Variants in NEGR1 observed in about 807,000 individuals in gnomAD.
NEGR1 encodes the protein neuronal growth regulator 1.
NEGR1 carries 10 observed loss-of-function variants against 40.9 expected under a neutral mutation model. That is an observed-to-expected ratio of 0.24 (90% CI 0.15 to 0.42). NEGR1 has a LOEUF of 0.42. Among genes scored for constraint, NEGR1 ranks in the 10% least tolerant of loss-of-function variants. NEGR1 has a pLI of 1.00. For missense variants in NEGR1, 352 were observed against 438.9 expected, an observed-to-expected ratio of 0.80 and a Z score of 1.77; for synonymous variants, 185 against 166.8, an observed-to-expected ratio of 1.11 and a Z score of -0.84.
intron 2 of NEGR1, among the ~76,000 whole-genome samples, chr1:71,878,798 C>T (rs1660503224): frequency 1.3e-5 from 2 of 152,056 alleles, no homozygotes; most frequent in South Asian, 4.1e-4. Flanking sequence ...TAAAAAGAAA[C>T]ATAGAGCTAT....
intron 6 of NEGR1, among the ~76,000 whole-genome samples, chr1:71,454,977 G>C (rs979564223): frequency 6.6e-6 from 1 of 152,114 alleles, no homozygotes; most frequent in Admixed American, 6.6e-5. Context: ...GCTTGGCCAG[G>C]CAGATCCCAC....
At chr1:71,571,615 C>T (rs148025015) in intron 6 of NEGR1, among the ~76,000 whole-genome samples, 3,054 of 151,942 alleles carry the variant, frequency 0.02, 107 homozygotes, top group African/African-American at 0.07. Context: ...CATGGCGAAA[C>T]CACGTCTCTA....
chr1:72,195,946 C>T (rs1031077812), intron 1 of NEGR1, among the ~76,000 whole-genome samples: 3 of 152,012 alleles, frequency 2.0e-5, no homozygotes, highest in African/African-American at 7.2e-5. Context: ...GCATTTTCTG[C>T]ATTAACTAGG....
At chr1:71,438,444 A>T (rs1319583424) in intron 6 of NEGR1, among the ~76,000 whole-genome samples, 1 of 152,230 alleles carries the variant, frequency 6.6e-6, no homozygotes, top group Non-Finnish European at 1.5e-5. Context: ...TCTGCATAAT[A>T]ATAAGCTCTC....
At chr1:72,278,454 T>C (rs1656132634) in intron 1 of NEGR1, among the ~76,000 whole-genome samples, 1 of 152,140 alleles carries the variant, frequency 6.6e-6, no homozygotes, top group African/African-American at 2.4e-5. Context: ...TAGTATTGTT[T>C]CCAAGGGGTA....
chr1:71,546,775 A>G (rs762063048), intron 6 of NEGR1, among the ~76,000 whole-genome samples: 1 of 151,618 alleles, frequency 6.6e-6, no homozygotes, highest in Non-Finnish European at 1.5e-5. Context: ...GATTCTTATA[A>G]AGTATTGGGT....
At chr1:72,211,248 GAAC>G (rs1467542892) in intron 1 of NEGR1, among the ~76,000 whole-genome samples, 1 of 151,280 alleles carries the variant, frequency 6.6e-6, no homozygotes, top group Non-Finnish European at 1.5e-5. Context: ...TACCTTAAAT[GAAC>G]AACAACAACA....
At chr1:71,874,959 C>A (rs773715731) in intron 2 of NEGR1, among the ~76,000 whole-genome samples, 1 of 152,046 alleles carries the variant, frequency 6.6e-6, no homozygotes, top group East Asian at 1.9e-4. Context: ...ATCCTCCTCC[C>A]TCAGCCTCCT....
chr1:72,278,897 A>C (rs1387608143), intron 1 of NEGR1, among the ~76,000 whole-genome samples: 2 of 152,130 alleles, frequency 1.3e-5, no homozygotes, highest in African/African-American at 4.8e-5. Flanking sequence ...TTTAGACATC[A>C]TATATTTTTT....
chr1:71,884,845 T>G (rs1378330422), intron 2 of NEGR1, among the ~76,000 whole-genome samples: 1 of 152,212 alleles, frequency 6.6e-6, no homozygotes, highest in African/African-American at 2.4e-5. Flanking sequence ...AGGCTGTACT[T>G]GTTTTTGATC....
intron 1 of NEGR1, among the ~76,000 whole-genome samples, chr1:72,050,397 G>T (rs1026998): frequency 0.44 from 66,962 of 150,800 alleles, 15,255 homozygotes; most frequent in Admixed American, 0.5. Flanking sequence ...TTTAAACGAA[G>T]ATTTGAATAA....
At chr1:71,729,832 T>TG (rs1198838144) in intron 3 of NEGR1, among the ~76,000 whole-genome samples, 5 of 148,552 alleles carry the variant, frequency 3.4e-5, no homozygotes, top group South Asian at 4.3e-4. Context: ...TGTTTTGTTT[T>TG]GTTTTTTGGT....
chr1:71,811,858 A>ATTTATTTTATTAT (rs1658012879), intron 2 of NEGR1, among the ~76,000 whole-genome samples: 1 of 137,498 alleles, frequency 7.3e-6, no homozygotes, highest in Admixed American at 7.2e-5. Context: ...AGTTCTATTT[A>ATTTATTTTATTAT]TTTATTTTAT....
intron 1 of NEGR1, among the ~76,000 whole-genome samples, chr1:72,091,125 T>A (rs1648473133): frequency 6.6e-6 from 1 of 152,108 alleles, no homozygotes; most frequent in Admixed American, 6.5e-5. Context: ...CTCTAGACAT[T>A]TAGACTCATT....
chr1:72,183,352 C>T (rs779194124), intron 1 of NEGR1, among the ~76,000 whole-genome samples: 1 of 152,044 alleles, frequency 6.6e-6, no homozygotes, highest in African/African-American at 2.4e-5. Flanking sequence ...CTGATCTTTG[C>T]TCAAGAACTT....
At chr1:72,050,102 A>G (rs1484044873) in intron 1 of NEGR1, among the ~76,000 whole-genome samples, 8 of 151,522 alleles carry the variant, frequency 5.3e-5, no homozygotes, top group Admixed American at 2.0e-4. Context: ...TTCTAGATAA[A>G]GAAATCTTTA....
At chr1:72,127,719 A>T (rs1408750595) in intron 1 of NEGR1, among the ~76,000 whole-genome samples, 5 of 152,122 alleles carry the variant, frequency 3.3e-5, no homozygotes, top group African/African-American at 9.7e-5. Flanking sequence ...TACATCTTTG[A>T]TAAAAAGACT....
rs202142911 is a variant in NEGR1, at chr1:71,939,665, GA to G, written c.177-4355del. 3.0e-4 allele frequency among the ~76,000 whole-genome samples: 45 copies of G among 152,004 alleles called. 4 individuals carry two copies. The East Asian group carries it at 3.9e-3, about 13-fold the overall frequency. On this transcript the variant is annotated intron_variant, in intron 1 of 6. Coordinates refer to ENST00000357731, the MANE Select transcript of NEGR1 (RefSeq NM_173808.3). ...AACTAAGCTAAGAATTCAGTGATCA[GA>G]AAAAAAGGCAAGTCAGGGGCAGGGG...
At position 71,756,425 on chromosome 1, in the gene NEGR1, C is replaced by CA. The variant is rs1491453120; in HGVS notation, c.535+19746dup. On this transcript the variant is annotated intron_variant, in intron 3 of 6. Transcript: ENST00000357731. ...ACAAAAACAAACAAAAAAAAAAAACCAAAAAAAACCACATCAGGCCTCTAC... is the reference window on the plus strand; with the variant it reads ...ACAAAAACAAACAAAAAAAAAAAACCAAAAAAAAACCACATCAGGCCTCTAC... 8.9e-4 allele frequency among the ~76,000 whole-genome samples: 98 copies of CA among 110,442 alleles called. 1 individual carries two copies. The highest frequency in any genetic ancestry group is 2.7e-3 in the African/African-American group (81 of 30,152). The allele number at this position is 110,442 out of a possible 152,430, so 72.5% of individuals were successfully genotyped here.
Sources: allele counts gnomAD v4.1 joint callset (sites outside exome capture counted in the v4.1 genomes callset), GRCh38; gene constraint gnomAD v4.1.1; transcripts MANE v1.5; gene names NCBI Gene and HGNC (gene_info 2026-07-23, HGNC 2026-07-21).